The following CACNB4 variants were observed in gnomAD, a reference collection of about 807,000 sequenced individuals.
CACNB4 encodes the protein calcium voltage-gated channel auxiliary subunit beta 4, also known as voltage-dependent L-type calcium channel subunit beta-4.
Under a neutral mutation model 71.2 loss-of-function variants are expected in CACNB4, and 32 were observed. The ratio of observed to expected loss-of-function variants is 0.45; its 90% CI spans 0.34 to 0.60. The LOEUF (loss-of-function observed/expected upper bound fraction) is 0.60, where lower values mean the gene tolerates loss of function less well. Among genes scored for constraint, CACNB4 ranks in the 20% least tolerant of loss-of-function variants. CACNB4 has a pLI of 0.01. For synonymous variants in CACNB4, 231 were observed against 236.9 expected (o/e 0.97, Z 0.23); for missense variants, 464 against 647.9 (o/e 0.72, Z 3.08).
intron 2 of CACNB4, among the ~76,000 whole-genome samples, chr2:151,996,238 C>A (rs1188263418): frequency 6.6e-6 from 1 of 152,176 alleles, no homozygotes; most frequent in Admixed American, 6.5e-5. Flanking sequence ...TTCTTTTACT[C>A]ATTTATTGAA....
At chr2:151,921,291 T>C (rs1431553914) in intron 2 of CACNB4, among the ~76,000 whole-genome samples, 1 of 152,100 alleles carries the variant, frequency 6.6e-6, no homozygotes, top group Admixed American at 6.6e-5. Flanking sequence ...TGATGACAGC[T>C]GCAAATGCCA....
chr2:151,990,917 T>C (rs1356647415), intron 2 of CACNB4, among the ~76,000 whole-genome samples: 11 of 152,208 alleles, frequency 7.2e-5, no homozygotes, highest in Admixed American at 7.2e-4. Context: ...TAAAATGTTG[T>C]CTTCTGATTG....
At chr2:151,908,078 T>C (rs977549955) in intron 2 of CACNB4, among the ~76,000 whole-genome samples, 2 of 151,952 alleles carry the variant, frequency 1.3e-5, no homozygotes, top group African/African-American at 2.4e-5. Flanking sequence ...GAGGAGACCG[T>C]GAGGATGGTA....
At chr2:151,876,367 T>A in intron 5 of CACNB4, 59 bp downstream of exon 5, 1 of 1,503,206 alleles carries the variant, frequency 6.7e-7, no homozygotes, top group South Asian at 1.2e-5. Context: ...TATACACCCT[T>A]GAAAATATCA....
chr2:152,003,239 T>G (rs1483471200), intron 2 of CACNB4, among the ~76,000 whole-genome samples: 4 of 152,098 alleles, frequency 2.6e-5, no homozygotes, highest in Non-Finnish European at 5.9e-5. Flanking sequence ...GGTCAGGAGT[T>G]CAAGACCAGT....
intron 2 of CACNB4, among the ~76,000 whole-genome samples, chr2:151,988,159 T>C (rs1681475788): frequency 6.6e-6 from 1 of 152,230 alleles, no homozygotes; most frequent in Admixed American, 6.5e-5. Flanking sequence ...AAATTACTGC[T>C]ACTGTATTTT....
intron 2 of CACNB4, among the ~76,000 whole-genome samples, chr2:152,039,031 G>A (rs139428192): frequency 3.3e-5 from 5 of 152,264 alleles, no homozygotes; most frequent in African/African-American, 1.2e-4. Flanking sequence ...TAATTAAACA[G>A]CATTTAAAGA....
At chr2:152,080,689 T>G (rs1273328496) in intron 2 of CACNB4, among the ~76,000 whole-genome samples, 1 of 152,172 alleles carries the variant, frequency 6.6e-6, no homozygotes, top group Non-Finnish European at 1.5e-5. Flanking sequence ...CCTACTGGTT[T>G]GGATGTTTTG....
At chr2:152,066,206 C>A (rs546812872) in intron 2 of CACNB4, among the ~76,000 whole-genome samples, 5 of 152,190 alleles carry the variant, frequency 3.3e-5, no homozygotes, top group South Asian at 4.1e-4. Flanking sequence ...TCCCTCTCCC[C>A]CTTCCACATA....
At chr2:151,876,400 A>G (rs201071814) in intron 5 of CACNB4, 26 bp downstream of exon 5, 15 of 1,582,066 alleles carry the variant, frequency 9.5e-6, no homozygotes, top group Non-Finnish European at 1.3e-5. Flanking sequence ...ACCAAAAAAA[A>G]GTGCATAGAA....
chr2:151,897,502 A>G (rs924537478), intron 2 of CACNB4, among the ~76,000 whole-genome samples: 3 of 152,246 alleles, frequency 2.0e-5, no homozygotes, highest in African/African-American at 4.8e-5. Flanking sequence ...ATTTGTTGGA[A>G]ACTTTTTTGG....
intron 2 of CACNB4, among the ~76,000 whole-genome samples, chr2:151,988,271 ATT>A (rs1325306083): frequency 6.6e-6 from 1 of 151,814 alleles, no homozygotes; most frequent in Non-Finnish European, 1.5e-5. Context: ...ATCCCTCTAA[ATT>A]TCTCTCTCAG....
chr2:151,861,918 T>C (rs2099841837), intron 9 of CACNB4, among the ~76,000 whole-genome samples: 2 of 151,772 alleles, frequency 1.3e-5, no homozygotes, highest in Admixed American at 1.3e-4. Flanking sequence ...TTGCATATGA[T>C]TTATCAAATG....
chr2:152,045,652 CA>C (rs1386663446), intron 2 of CACNB4, among the ~76,000 whole-genome samples: 1 of 151,814 alleles, frequency 6.6e-6, no homozygotes, highest in Non-Finnish European at 1.5e-5. Context: ...AAAGGTGGAT[CA>C]AAGTACACCC....
intron 2 of CACNB4, among the ~76,000 whole-genome samples, chr2:151,926,240 A>C (rs1203336945): frequency 2.6e-5 from 4 of 152,208 alleles, no homozygotes; most frequent in Non-Finnish European, 5.9e-5. Flanking sequence ...GTTGCCAAAA[A>C]AGCCAGAGGA....
intron 2 of CACNB4, among the ~76,000 whole-genome samples, chr2:152,054,365 C>CAAAA (rs34291036): frequency 1.2e-5 from 1 of 85,182 alleles, no homozygotes; most frequent in African/African-American, 4.6e-5. Context: ...AACTCCGTCT[C>CAAAA]AAAAAAAAAA....
chr2:151,865,234 T>C (rs2099842775), intron 9 of CACNB4, among the ~76,000 whole-genome samples: 2 of 152,222 alleles, frequency 1.3e-5, no homozygotes, highest in South Asian at 4.1e-4. Flanking sequence ...ATTGTTCCCA[T>C]TTCTTTTTAT....
intron 2 of CACNB4, among the ~76,000 whole-genome samples, chr2:151,963,888 T>G (rs953623516): frequency 1.5e-4 from 23 of 151,922 alleles, no homozygotes; most frequent in Non-Finnish European, 1.0e-4. Flanking sequence ...GCCAACATGG[T>G]GAAACTCCCG....
chr2:151,956,072 C>T (rs771803707), intron 2 of CACNB4, among the ~76,000 whole-genome samples: 5 of 152,122 alleles, frequency 3.3e-5, no homozygotes, highest in Non-Finnish European at 7.3e-5. Context: ...CTGACAAGAG[C>T]AGGATTATAT....
Sources: allele counts gnomAD v4.1 joint callset (sites outside exome capture counted in the v4.1 genomes callset), GRCh38; gene constraint gnomAD v4.1.1; transcripts MANE v1.5; gene names NCBI Gene and HGNC (gene_info 2026-07-23, HGNC 2026-07-21).